Variants in RCCD1 observed in about 807,000 individuals in gnomAD.
RCCD1 encodes RCC1 domain-containing protein 1.
A neutral mutation model predicts 37.6 loss-of-function variants in RCCD1; 40 were observed. That is an observed-to-expected ratio of 1.06 (90% confidence interval 0.83 to 1.39). The LOEUF (loss-of-function observed/expected upper bound fraction) is 1.39. Among genes scored for constraint, RCCD1 ranks in the 40% most tolerant of loss-of-function variants. The pLI, the probability that RCCD1 is intolerant of heterozygous loss-of-function variation, is 0.00. For synonymous variants in RCCD1, 263 were observed against 230.0 expected, an observed-to-expected ratio of 1.14 and a Z score of -1.30; for missense variants, 577 against 517.3, an observed-to-expected ratio of 1.12 and a Z score of -1.12.
At position 90,957,068 on chromosome 15, in the gene RCCD1, C is replaced by T. The variant is rs2037211566; in HGVS notation, c.167-45C>T. The stretch of plus-strand genomic sequence containing the variant: ...CCAGGAACACCCCGCTCCCCCCATC[C>T]CCGCCGCCTCCATTCTGGCCACCCT... On this transcript the variant is annotated intron_variant, in intron 2 of 7. Coordinates refer to ENST00000394258, the MANE Select transcript of RCCD1 (RefSeq NM_001017919.2). 1.2e-5 allele frequency: 16 copies of T among 1,311,920 alleles called. No homozygotes were observed. The South Asian group carries it at 3.2e-4, about 26-fold the overall frequency. The allele number at this position is 1,311,920 out of a possible 1,614,324, so 81.3% of individuals were successfully genotyped here.
chr15:90,962,846 A>C lies in RCCD1; in HGVS notation c.*1077A>C, dbSNP rs558030578. ...AGTATTCAGAGTATCTTCTGCTACA[A>C]TGTAGTTTGTTTCAGTCTCTCTTGG... On this transcript the variant is annotated 3_prime_UTR_variant, in exon 8 of 8. Coordinates refer to ENST00000394258, the MANE Select transcript of RCCD1 (RefSeq NM_001017919.2). 1 of 152,290 alleles carries C rather than the reference A, an allele frequency of 6.6e-6. No homozygotes were observed. The highest frequency in any genetic ancestry group is 2.4e-5 in the African/African-American group (1 of 41,546). 9.4% of individuals were successfully genotyped at this position (152,290 alleles called of 1,614,324 possible).
chr15:90,957,985 T>G (rs1184411604), intron 4 of RCCD1, among the ~76,000 whole-genome samples: 1 of 152,148 alleles, frequency 6.6e-6, no homozygotes, highest in Non-Finnish European at 1.5e-5. Flanking sequence ...CCCCACCTGC[T>G]CCCAGCCAGG....
chr15:90,960,368 G>T lies in RCCD1; in HGVS notation c.819G>T (p.Thr273=), dbSNP rs147224053. The T allele has an allele frequency of 1.9e-5, 31 of 1,613,316 alleles. No individual in the cohort carries two copies. Among genetic ancestry groups the T allele is most frequent in the Non-Finnish European group, 2.5e-5 (29 of 1,179,794 alleles). The change falls in exon 6 of 8, where the codon ACG becomes ACT. Residue 273 remains threonine (T), a synonymous_variant. Transcript: ENST00000394258. The stretch of plus-strand genomic sequence containing the variant: ...AAGATGGTTCTCAGGTGAAGAGAAC[G>T]GGTGGGGCTGAGGATGGAGCCCCTG... ...LNEDGSQVKR[T]GGAEDGAPAP...
At position 90,956,869 on chromosome 15, in the gene RCCD1, C is replaced by T; in HGVS notation, c.135C>T (p.Ser45=). The change falls in exon 2 of 8, where the codon AGC becomes AGT. Residue 45 remains serine (S), a synonymous_variant. Transcript: ENST00000394258. ...LRAGVDICRV[S]ASWSYTAFVT... The stretch of plus-strand genomic sequence containing the variant: ...CGGGCGTCGACATCTGCCGCGTGAG[C>T]GCGAGCTGGAGCTACACCGCTTTCG... 7.7e-7 allele frequency: 1 copy of T among 1,290,356 alleles called. No homozygotes were observed. Among genetic ancestry groups the T allele is most frequent in the Non-Finnish European group, 9.8e-7 (1 of 1,018,816 alleles). 79.9% of individuals were successfully genotyped at this position (1,290,356 alleles called of 1,614,324 possible).
Position 90,961,650 on chromosome 15 carries a change from A to G in RCCD1, c.1012A>G (p.Thr338Ala), listed in dbSNP as rs771592562. The G allele has an allele frequency of 9.9e-6, 16 of 1,613,980 alleles. No individual in the cohort carries two copies. The highest frequency in any genetic ancestry group is 2.2e-5 in the East Asian group (1 of 44,902). The change falls in exon 8 of 8, where the codon ACC (threonine) becomes GCC (alanine). Residue 338 changes from threonine to alanine, a missense_variant. By Grantham distance (58) the Thr-to-Ala change is moderately conservative (BLOSUM62 0). Coordinates refer to ENST00000394258, the MANE Select transcript of RCCD1 (RefSeq NM_001017919.2). Reference protein sequence around the residue: ...KYGQLGHEDTTSLDRPRRVEY... With the variant: ...KYGQLGHEDTASLDRPRRVEY... ...TGGACAGCTGGGCCACGAGGACACC[A>G]CCAGCTTGGATCGGCCTCGCCGTGT...
Position 90,957,750 on chromosome 15 carries a change from A to C in RCCD1, c.679+25A>C, listed in dbSNP as rs763479385. On this transcript the variant is annotated intron_variant, in intron 4 of 7. Transcript: ENST00000394258. ...GGTGAGTGACTTAGTGCTTCTCCAG[A>C]CGAGCTCATGATCTTGTGCAAACCT... is the stretch of plus-strand genomic sequence containing the variant. 26 of 1,580,050 alleles carry C rather than the reference A, an allele frequency of 1.6e-5. No homozygotes were observed. The Admixed American group carries it at 4.6e-4, about 28-fold the overall frequency.
chr15:90,960,400 T>A lies in RCCD1; in HGVS notation c.851T>A (p.Phe284Tyr). Residue 284 changes from phenylalanine (F) to tyrosine (Y), a missense_variant, in exon 6 of 8, where the codon TTC becomes TAC. Physicochemically the swap from Phe to Tyr is conservative, Grantham distance 22 (BLOSUM62 3). Transcript: ENST00000394258. ...GCTGAGGATGGAGCCCCTGCCCCCT[T>A]CATAGCTGTCCAGCCCTTCCCGGCA... is the stretch of plus-strand genomic sequence containing the variant. ...GGAEDGAPAP[F>Y]IAVQPFPALL... The A allele has an allele frequency of 6.2e-7, 1 of 1,613,852 alleles. No homozygotes were observed. Among genetic ancestry groups the A allele is most frequent in the Non-Finnish European group, 8.5e-7 (1 of 1,179,994 alleles).
chr15:90,961,660 A>G lies in RCCD1; in HGVS notation c.1022A>G (p.Asp341Gly). The G allele has an allele frequency of 1.9e-6, 3 of 1,614,146 alleles. No individual in the cohort carries two copies. The highest frequency in any genetic ancestry group is 2.5e-6 in the Non-Finnish European group (3 of 1,180,016). ...QLGHEDTTSL[D>G]RPRRVEYFVD... is the part of the protein sequence containing the mutation. ...GGCCACGAGGACACCACCAGCTTGGATCGGCCTCGCCGTGTGGAATACTTT... is the reference window on the plus strand; with the variant it reads ...GGCCACGAGGACACCACCAGCTTGGGTCGGCCTCGCCGTGTGGAATACTTT... Residue 341 changes from aspartate (D) to glycine (G), a missense_variant, in exon 8 of 8, where the codon GAT (aspartate) becomes GGT (glycine). Coordinates refer to ENST00000394258, the MANE Select transcript of RCCD1 (RefSeq NM_001017919.2).
At chr15:90,960,598 A>C in intron 6 of RCCD1, 100 bp downstream of exon 6, 173 of 1,146,164 alleles carry the variant, frequency 1.5e-4, no homozygotes, top group Non-Finnish European at 1.9e-4. Flanking sequence ...TCTGTGGCTC[A>C]TACAGAGCAG....
rs1329968550 is a variant in RCCD1, at chr15:90,959,893, C to G, written c.680-7C>G. 5.0e-6 allele frequency: 8 copies of G among 1,604,198 alleles called. No individual in the cohort carries two copies. The highest frequency in any genetic ancestry group is 6.8e-6 in the Non-Finnish European group (8 of 1,172,682). On this transcript the variant is annotated splice_polypyrimidine_tract_variant and splice_region_variant and intron_variant, in intron 4 of 7. Coordinates refer to ENST00000394258, the MANE Select transcript of RCCD1 (RefSeq NM_001017919.2). ...TCTGTTTCATGTGTCCCCTTGATCT[C>G]TTTCAGAGACTGGGGATATTTATAT...
chr15:90,956,442 T>C (rs2037194745), intron 1 of RCCD1, among the ~76,000 whole-genome samples, 170 bp from the exon 2 acceptor site: 1 of 152,202 alleles, frequency 6.6e-6, no homozygotes, highest in African/African-American at 2.4e-5. Flanking sequence ...CGTACCCACT[T>C]TGTGGCACGC....
At position 90,954,900 on chromosome 15, in the gene RCCD1, T is replaced by C. The variant is rs2001216; in HGVS notation, c.-172T>C. 0.29 allele frequency: 44,704 copies of C among 152,074 alleles called. 6,888 individuals carry two copies. The highest frequency in any genetic ancestry group is 0.56 in the East Asian group (2,846 of 5,118). 9.4% of individuals were successfully genotyped at this position (152,074 alleles called of 1,614,324 possible). A position where few individuals can be genotyped will look rare whatever the true frequency, so the allele number is the denominator to read the frequency against. ...GTAAAAGCTGCTTCCTGTTGGGGCA[T>C]GAGTCCGGCGCGTGTCGGGTTTTGA... On this transcript the variant is annotated 5_prime_UTR_variant, in exon 1 of 8. An upstream start codon of the reference 5' UTR is lost. Coordinates refer to ENST00000394258, the MANE Select transcript of RCCD1 (RefSeq NM_001017919.2).
rs1350511902 is a variant in RCCD1 at position 90,961,772 on chromosome 15, T to C, written c.*3T>C. On this transcript the variant is annotated 3_prime_UTR_variant, in exon 8 of 8. Transcript: ENST00000394258. ...CTGTGGAGAAAGGGAAGAGCTGACA[T>C]GTGTACGTATATGTATATGCAACAC... 2 of 1,599,472 alleles carry C rather than the reference T, an allele frequency of 1.3e-6. No individual in the cohort carries two copies. The highest frequency in any genetic ancestry group is 1.7e-5 in the Admixed American group (1 of 59,192).
chr15:90,961,291 C>A, intron 7 of RCCD1: 1 of 596,266 alleles, frequency 1.7e-6, no homozygotes, highest in South Asian at 2.0e-5. Context: ...CTCTGAAAGA[C>A]TGTCTTAAGG....
chr15:90,955,204 G>C (rs1168054516), intron 1 of RCCD1: 2 of 152,246 alleles, frequency 1.3e-5, no homozygotes, highest in Non-Finnish European at 2.9e-5. Flanking sequence ...CCTCGGGACC[G>C]GAGAGGCCCT....
At chr15:90,956,992 G>T in intron 2 of RCCD1, 92 bp downstream of exon 2, 1 of 1,282,334 alleles carries the variant, frequency 7.8e-7, no homozygotes, top group Non-Finnish European at 9.9e-7. Context: ...TGTCTCCCCC[G>T]TTCAGGCCGC....
chr15:90,958,308 T>C (rs1231041678), intron 4 of RCCD1, among the ~76,000 whole-genome samples: 1 of 152,088 alleles, frequency 6.6e-6, no homozygotes, highest in East Asian at 1.9e-4. Flanking sequence ...GGCTGCTACG[T>C]AGATCACCTG....
chr15:90,961,912 T>G lies in RCCD1; in HGVS notation c.*143T>G, dbSNP rs1344131634. The G allele has an allele frequency of 1.6e-5, 11 of 705,120 alleles. No homozygotes were observed. Among genetic ancestry groups the G allele is most frequent in the East Asian group, 2.8e-5 (1 of 35,502 alleles). 43.7% of individuals were successfully genotyped at this position (705,120 alleles called of 1,614,324 possible). On this transcript the variant is annotated 3_prime_UTR_variant, in exon 8 of 8. Coordinates refer to ENST00000394258, the MANE Select transcript of RCCD1 (RefSeq NM_001017919.2). ...ACCCTCAAGCACGGTCCTAAACTTGTCTGCACTTTAGAAACACCTGGAGAG... is the reference window on the plus strand; with the variant it reads ...ACCCTCAAGCACGGTCCTAAACTTGGCTGCACTTTAGAAACACCTGGAGAG...
At chr15:90,957,882 C>G (rs1407239660) in intron 4 of RCCD1, among the ~76,000 whole-genome samples, 157 bp downstream of exon 4, 1 of 152,216 alleles carries the variant, frequency 6.6e-6, no homozygotes, top group Non-Finnish European at 1.5e-5. Flanking sequence ...CACCCTCGGC[C>G]TCCTCTGCCT....
Sources: allele counts gnomAD v4.1 joint callset (sites outside exome capture counted in the v4.1 genomes callset), GRCh38; gene constraint gnomAD v4.1.1; transcripts MANE v1.5; gene names NCBI Gene and HGNC (gene_info 2026-07-23, HGNC 2026-07-21).